The following CACNA1E variants were observed in gnomAD, a reference collection of about 807,000 sequenced individuals.
The protein encoded by CACNA1E is calcium voltage-gated channel subunit alpha1 E.
In CACNA1E, 40 loss-of-function variants were observed where a neutral mutation model predicts 259.2. That is an observed-to-expected ratio of 0.15 (90% CI 0.12 to 0.20). CACNA1E has a LOEUF of 0.20. Ranked by LOEUF, CACNA1E falls within the 10% of genes least tolerant of loss-of-function variation. The pLI, the probability that CACNA1E is intolerant of heterozygous loss-of-function variation, is 1.00. For missense variants in CACNA1E, 1,874 were observed against 3,040.1 expected, an observed-to-expected ratio of 0.62 and a Z score of 9.02; for synonymous variants, 1,104 against 1,138.5, an observed-to-expected ratio of 0.97 and a Z score of 0.61.
intron 32 of CACNA1E, among the ~76,000 whole-genome samples, chr1:181,760,026 T>C (rs952069689): frequency 5.3e-5 from 8 of 152,260 alleles, no homozygotes; most frequent in African/African-American, 1.9e-4. Context: ...AAGAAACTAC[T>C]ACCAACAAAG....
At chr1:181,351,219 G>A (rs376728203) in intron 1 of CACNA1E, among the ~76,000 whole-genome samples, 3 of 152,308 alleles carry the variant, frequency 2.0e-5, no homozygotes, top group African/African-American at 7.2e-5. Flanking sequence ...GAGCCGTGGG[G>A]GGATCCAGGC....
rs1331191689 is a variant in CACNA1E, at chr1:181,450,330, CT to C, written c.435-33412del. On this transcript the variant is annotated intron_variant, in intron 2 of 11. Coordinates refer to the CACNA1E transcript ENST00000524607. ...CATATCAGTGAGTGCCCAACCCCATCTTGGTAGTGGATGGTCAGGAAAAGCT... is the reference window on the plus strand; with the variant it reads ...CATATCAGTGAGTGCCCAACCCCATCTGGTAGTGGATGGTCAGGAAAAGCT... Among the ~76,000 whole-genome samples the C allele has an allele frequency of 3.9e-5, 6 of 152,136 alleles. No individual in the cohort carries two copies. The East Asian group carries it at 9.6e-4, about 24-fold the overall frequency.
At chr1:181,453,193 T>C (rs747796299) in intron 2 of CACNA1E, among the ~76,000 whole-genome samples, 16 of 152,228 alleles carry the variant, frequency 1.1e-4, no homozygotes, top group Non-Finnish European at 1.8e-4. Context: ...ATGTATCCAG[T>C]AGGCATGAGT....
In CACNA1E at chr1:181,732,930, G is replaced by T; in HGVS notation, c.2844G>T (p.Leu948=). The T allele has an allele frequency of 6.2e-7, 1 of 1,614,050 alleles. No homozygotes were observed. The highest frequency in any genetic ancestry group is 1.3e-5 in the African/African-American group (1 of 75,056). The change falls in exon 20 of 48, where the codon CTG becomes CTT. Residue 948 remains leucine, a synonymous_variant. Transcript: ENST00000367573. This position sits in a 1 kb window ranked among gnomAD's most constrained non-coding sequence, Gnocchi z 5.5. Reference sequence around the variant, plus strand: ...GGTCTGCCAGCCAGGAACGCAGTCTGGATGAAGCCATGCCCACTGAAGGGG... The same window carrying T: ...GGTCTGCCAGCCAGGAACGCAGTCTTGATGAAGCCATGCCCACTGAAGGGG... The part of the protein sequence containing the change: ...RSRSASQERS[L]DEAMPTEGEK...
Position 181,733,541 on chromosome 1 carries a change from ACGTGGT to A in CACNA1E, c.3054_3059del (p.His1018_Val1020delinsGln). 9 of 1,612,322 alleles carry A rather than the reference ACGTGGT, an allele frequency of 5.6e-6. No homozygotes were observed. The highest frequency in any genetic ancestry group is 6.8e-6 in the Non-Finnish European group (8 of 1,179,072). On this transcript the variant is annotated inframe_deletion, in exon 21 of 48. Coordinates refer to ENST00000367573, the MANE Select transcript of CACNA1E (RefSeq NM_001205293.3). ...CATCCTGAGCTGGAAGTGGGGAAGC[ACGTGGT>A]GCTGACGGAGCAGGAGCCAGAAGGC...
intron 1 of CACNA1E, among the ~76,000 whole-genome samples, chr1:181,358,780 C>T (rs1653643264): frequency 6.6e-6 from 1 of 152,214 alleles, no homozygotes; most frequent in Admixed American, 6.5e-5. Flanking sequence ...CTCAGAAGTA[C>T]ACCCAGCATG....
At chr1:181,507,602 C>T (rs1665818089) in intron 1 of CACNA1E, among the ~76,000 whole-genome samples, 1 of 152,124 alleles carries the variant, frequency 6.6e-6, no homozygotes, top group African/African-American at 2.4e-5. Flanking sequence ...AGTGGGGAGG[C>T]CTCGGAGGCA....
chr1:181,472,758 T>C (rs1338379630), intron 2 of CACNA1E, among the ~76,000 whole-genome samples: 5 of 152,206 alleles, frequency 3.3e-5, no homozygotes, highest in African/African-American at 4.8e-5. Context: ...ATTGCTTCTT[T>C]TAACACAAAA....
intron 7 of CACNA1E, among the ~76,000 whole-genome samples, chr1:181,678,612 A>C (rs1469628985): frequency 2.0e-5 from 3 of 152,254 alleles, no homozygotes; most frequent in Non-Finnish European, 4.4e-5. Flanking sequence ...AAATACAGAC[A>C]TACAAAAACA....
chr1:181,761,371 T>C (rs1572828004), intron 32 of CACNA1E, among the ~76,000 whole-genome samples: 2 of 152,176 alleles, frequency 1.3e-5, no homozygotes, highest in Admixed American at 1.3e-4. Flanking sequence ...TATTTTTCAA[T>C]CCCTGCCTCT....
intron 2 of CACNA1E, among the ~76,000 whole-genome samples, chr1:181,439,005 A>G (rs901713244): frequency 1.3e-5 from 2 of 152,226 alleles, no homozygotes; most frequent in African/African-American, 4.8e-5. Context: ...ATATAGCAGC[A>G]TGGTTAGATT....
At chr1:181,765,315 A>G (rs775633532) in intron 34 of CACNA1E, among the ~76,000 whole-genome samples, 3 of 152,158 alleles carry the variant, frequency 2.0e-5, no homozygotes, top group Non-Finnish European at 4.4e-5. Flanking sequence ...GGAGAGATAA[A>G]CTAGGGACTA....
At chr1:181,511,620 G>C (rs1666173713) in intron 3 of CACNA1E, 110 bp downstream of exon 3, 1 of 1,269,930 alleles carries the variant, frequency 7.9e-7, no homozygotes, top group African/African-American at 1.5e-5. Context: ...TGTAGAGTAG[G>C]GGCAGAAGAA....
At chr1:181,592,810 C>A (rs1292015896) in intron 6 of CACNA1E, among the ~76,000 whole-genome samples, 2 of 152,148 alleles carry the variant, frequency 1.3e-5, no homozygotes, top group Non-Finnish European at 2.9e-5. Flanking sequence ...CACACACACA[C>A]AAACACACTT....
chr1:181,739,355 C>T, intron 25 of CACNA1E, 102 bp downstream of exon 25: 1 of 817,876 alleles, frequency 1.2e-6, no homozygotes, highest in South Asian at 1.5e-5. Flanking sequence ...AGGGTGATGC[C>T]AAAGAATGCC....
chr1:181,489,346 T>G (rs1273859775), intron 1 of CACNA1E, among the ~76,000 whole-genome samples: 1 of 152,202 alleles, frequency 6.6e-6, no homozygotes, highest in Non-Finnish European at 1.5e-5. Context: ...TAATTCATTA[T>G]ATGTGTGGGT....
In CACNA1E at chr1:181,610,754, A is replaced by G. The variant is rs569637722; in HGVS notation, c.951+29978A>G. On this transcript the variant is annotated intron_variant, in intron 6 of 47. Coordinates refer to ENST00000367573, the MANE Select transcript of CACNA1E (RefSeq NM_001205293.3). Reference sequence around the variant, plus strand: ...CATTGGAGCATCTTGGGTGGTTCCAATGAGGACTTTTGAGGACCAGCTCAG... The same window carrying G: ...CATTGGAGCATCTTGGGTGGTTCCAGTGAGGACTTTTGAGGACCAGCTCAG... Among the ~76,000 whole-genome samples, 11 of 152,314 alleles carry G rather than the reference A, an allele frequency of 7.2e-5. 1 individual carries two copies. The South Asian group carries it at 1.2e-3, about 17-fold the overall frequency.
chr1:181,503,077 A>T (rs1261755488), intron 1 of CACNA1E, among the ~76,000 whole-genome samples: 3 of 152,226 alleles, frequency 2.0e-5, no homozygotes, highest in Admixed American at 6.5e-5. Context: ...TTTCTGTAAG[A>T]ATGTCTGCTT....
chr1:181,781,265 T>C (rs905594992), intron 38 of CACNA1E, among the ~76,000 whole-genome samples, 162 bp from the exon 39 acceptor site: 2 of 152,266 alleles, frequency 1.3e-5, no homozygotes, highest in African/African-American at 4.8e-5. Context: ...TGTTTTGTTT[T>C]TCTTCTCCTG....
Sources: gnomAD v4.1 joint callset for allele counts (sites outside exome capture counted in the v4.1 genomes callset) on GRCh38, gnomAD v4.1.1 for gene constraint, Gnocchi (gnomAD v3.1) non-coding constraint, MANE v1.5 for transcripts, NCBI Gene and HGNC (gene_info 2026-07-23, HGNC 2026-07-21) for gene names.